Variants in ACMSD observed in about 807,000 individuals in gnomAD.
ACMSD encodes 2-amino-3-carboxymuconate-6-semialdehyde decarboxylase.
A neutral mutation model predicts 45.9 loss-of-function variants in ACMSD; 37 were observed. The ratio of observed to expected loss-of-function variants is 0.81; its 90% CI spans 0.62 to 1.06. ACMSD has a LOEUF of 1.06. ACMSD is among the 50% of genes least tolerant of loss of function. The pLI is 0.00. For missense variants in ACMSD, 434 were observed against 420.9 expected (o/e 1.03, Z -0.27); for synonymous variants, 138 against 148.8 (o/e 0.93, Z 0.53).
At chr2:134,852,715 G>T (rs545076302) in intron 2 of ACMSD, among the ~76,000 whole-genome samples, 11 of 152,242 alleles carry the variant, frequency 7.2e-5, no homozygotes, top group African/African-American at 2.6e-4. Context: ...GACTACAGAG[G>T]TTGCTTCCTG....
chr2:134,852,388 G>A (rs368437332), intron 2 of ACMSD, among the ~76,000 whole-genome samples: 3 of 152,278 alleles, frequency 2.0e-5, no homozygotes, highest in East Asian at 3.9e-4. Flanking sequence ...GAGAGGATGA[G>A]GGTGTGGAAC....
intron 8 of ACMSD, among the ~76,000 whole-genome samples, chr2:134,884,263 A>C (rs1689203633): frequency 1.3e-5 from 2 of 152,214 alleles, no homozygotes; most frequent in South Asian, 4.1e-4. Flanking sequence ...ATCCAAAATC[A>C]AGTTAGGAAG....
rs1158518481 is a variant in ACMSD at position 134,840,167 on chromosome 2, C to CAAAAAAAAAAAAAAAAAAAAAAAAA, written c.57+1430_57+1454dup. Reference sequence around the variant, plus strand: ...TAAAATAGCCATAAACTATACCTAGCAAAAAAAAAAAAAAAAAAAAAAAAA... The same window carrying CAAAAAAAAAAAAAAAAAAAAAAAAA: ...TAAAATAGCCATAAACTATACCTAGCAAAAAAAAAAAAAAAAAAAAAAAAAAAAAAAAAAAAAAAAAAAAAAAAAA... On this transcript the variant is annotated intron_variant, in intron 1 of 9. Transcript: ENST00000356140. Among the ~76,000 whole-genome samples, 40 of 23,440 alleles carry CAAAAAAAAAAAAAAAAAAAAAAAAA rather than the reference C, an allele frequency of 1.7e-3. 11 individuals are homozygous for CAAAAAAAAAAAAAAAAAAAAAAAAA. Among genetic ancestry groups the CAAAAAAAAAAAAAAAAAAAAAAAAA allele is most frequent in the Middle Eastern group, 0.071 (2 of 28 alleles). The allele number at this position is 23,440 out of a possible 152,430, so 15.4% of individuals were successfully genotyped here.
Position 134,845,223 on chromosome 2 carries a change from C to T in ACMSD, c.58-10C>T. The T allele has an allele frequency of 6.2e-7, 1 of 1,614,086 alleles. No homozygotes were observed. Among genetic ancestry groups the T allele is most frequent in the Non-Finnish European group, 8.5e-7 (1 of 1,179,982 alleles). ...CTCTTTGACTCTAACTGTGCTTCTC[C>T]CCACTGCAGAGGTTTGGCTACGGAG... On this transcript the variant is annotated splice_polypyrimidine_tract_variant and intron_variant, in intron 1 of 9. Coordinates refer to ENST00000356140, the MANE Select transcript of ACMSD (RefSeq NM_138326.3).
intron 5 of ACMSD, among the ~76,000 whole-genome samples, chr2:134,863,854 A>G (rs1687967111): frequency 6.6e-6 from 1 of 152,196 alleles, no homozygotes; most frequent in African/African-American, 2.4e-5. Flanking sequence ...GCACTGAGTT[A>G]ACAGTGAAAT....
chr2:134,881,938 T>C (rs1466561017), intron 8 of ACMSD, among the ~76,000 whole-genome samples: 1 of 152,068 alleles, frequency 6.6e-6, no homozygotes, highest in East Asian at 1.9e-4. Flanking sequence ...GCCAACATGG[T>C]GAAACCCCAT....
intron 1 of ACMSD, among the ~76,000 whole-genome samples, chr2:134,840,544 G>A (rs1686759326): frequency 6.6e-6 from 1 of 152,132 alleles, no homozygotes; most frequent in Non-Finnish European, 1.5e-5. Flanking sequence ...TGAGATTAGT[G>A]CCCTTATAAA....
chr2:134,856,498 C>T (rs1208779141), intron 2 of ACMSD, among the ~76,000 whole-genome samples: 1 of 152,168 alleles, frequency 6.6e-6, no homozygotes, highest in African/African-American at 2.4e-5. Flanking sequence ...TTCTCCGCAT[C>T]CTTATCAACA....
chr2:134,839,414 T>C (rs897595540), intron 1 of ACMSD, among the ~76,000 whole-genome samples: 3 of 152,164 alleles, frequency 2.0e-5, no homozygotes, highest in Admixed American at 1.3e-4. Context: ...TTAAGAACTT[T>C]TGAATGAATA....
chr2:134,883,414 G>T (rs1448104491), intron 8 of ACMSD, among the ~76,000 whole-genome samples: 2 of 152,202 alleles, frequency 1.3e-5, no homozygotes, highest in Non-Finnish European at 2.9e-5. Context: ...CATATCATAT[G>T]ACTCCTTAAC....
intron 8 of ACMSD, among the ~76,000 whole-genome samples, chr2:134,877,903 G>A (rs990258233): frequency 1.3e-5 from 2 of 152,146 alleles, no homozygotes; most frequent in Non-Finnish European, 2.9e-5. Context: ...CAAAGGATTT[G>A]AAGGCATATT....
At chr2:134,852,093 G>A (rs1687372635) in intron 2 of ACMSD, among the ~76,000 whole-genome samples, 2 of 152,108 alleles carry the variant, frequency 1.3e-5, no homozygotes, top group South Asian at 2.1e-4. Flanking sequence ...AGACTACTTT[G>A]AAAAGAGTTC....
intron 8 of ACMSD, among the ~76,000 whole-genome samples, chr2:134,891,621 C>T (rs1269747479): frequency 6.6e-6 from 1 of 152,074 alleles, no homozygotes; most frequent in Admixed American, 6.6e-5. Context: ...AATGCTTATA[C>T]ACTGTTGGTG....
chr2:134,841,081 A>C (rs1373899162), intron 1 of ACMSD, among the ~76,000 whole-genome samples: 1 of 152,264 alleles, frequency 6.6e-6, no homozygotes, highest in Non-Finnish European at 1.5e-5. Flanking sequence ...CAGACAGCTG[A>C]TACACTTCAT....
chr2:134,860,961 T>C (rs570543446), intron 3 of ACMSD, among the ~76,000 whole-genome samples: 25 of 151,662 alleles, frequency 1.6e-4, no homozygotes, highest in Non-Finnish European at 3.2e-4. Flanking sequence ...GCCCAGGAGT[T>C]TGAGGCTGCA....
chr2:134,852,275 G>A (rs1049560278), intron 2 of ACMSD, among the ~76,000 whole-genome samples: 2 of 152,130 alleles, frequency 1.3e-5, no homozygotes, highest in African/African-American at 4.8e-5. Flanking sequence ...ATCTGAGATG[G>A]GGATTTGTAA....
chr2:134,895,088 A>C (rs571762841), intron 8 of ACMSD, among the ~76,000 whole-genome samples: 237 of 151,566 alleles, frequency 1.6e-3, no homozygotes, highest in African/African-American at 4.8e-3. Flanking sequence ...GGTGGATCAT[A>C]AGGTCAGGAG....
chr2:134,849,830 T>C (rs1472548906), intron 2 of ACMSD, among the ~76,000 whole-genome samples: 1 of 152,148 alleles, frequency 6.6e-6, no homozygotes, highest in Non-Finnish European at 1.5e-5. Context: ...GGGAGCAGAA[T>C]TGTGCCCTGA....
chr2:134,879,527 G>C (rs1688924009), intron 8 of ACMSD, among the ~76,000 whole-genome samples: 1 of 152,146 alleles, frequency 6.6e-6, no homozygotes, highest in Non-Finnish European at 1.5e-5. Flanking sequence ...CTAAAACCCA[G>C]TGGTTTAAAA....
Sources: allele counts gnomAD v4.1 joint callset (sites outside exome capture counted in the v4.1 genomes callset), GRCh38; gene constraint gnomAD v4.1.1; transcripts MANE v1.5; gene names NCBI Gene and HGNC (gene_info 2026-07-23, HGNC 2026-07-21).